The following SLC2A12 variants were observed in gnomAD, a reference collection of about 807,000 sequenced individuals.
SLC2A12 encodes the protein solute carrier family 2 member 12, also known as solute carrier family 2, facilitated glucose transporter member 12.
In SLC2A12, 23 loss-of-function variants were observed where a neutral mutation model predicts 41.8. The ratio of observed to expected loss-of-function variants is 0.55; its 90% CI spans 0.40 to 0.78. The LOEUF is 0.78. Among genes scored for constraint, SLC2A12 ranks in the 30% least tolerant of loss-of-function variants. The probability of loss-of-function intolerance (pLI) is 0.00; values close to 1 mark genes in which losing one functional copy is unlikely to be tolerated. For missense variants in SLC2A12, 654 were observed against 745.6 expected (o/e 0.88, Z 1.43); for synonymous variants, 295 against 285.9 (o/e 1.03, Z -0.32).
intron 2 of SLC2A12, among the ~76,000 whole-genome samples, chr6:134,011,853 C>G (rs983919555): frequency 6.6e-6 from 1 of 152,040 alleles, no homozygotes. Context: ...ACCAGCCTGG[C>G]CAGCATTGTG....
At chr6:134,007,899 G>A (rs1425892849) in intron 2 of SLC2A12, among the ~76,000 whole-genome samples, 1 of 152,178 alleles carries the variant, frequency 6.6e-6, no homozygotes, top group Non-Finnish European at 1.5e-5. Context: ...GACAAACGTG[G>A]CATTATCCCT....
At chr6:134,052,250 TACACACACACACACACACAC>T (rs55702666) in intron 1 of SLC2A12, 108 bp downstream of exon 1, 14,613 of 371,296 alleles carry the variant, frequency 0.039, 604 homozygotes, top group East Asian at 0.23. Flanking sequence ...CGCGCGCGCA[TACACACACACACACACACAC>T]ACACACACAC....
chr6:134,019,093 A>G (rs1381304202), intron 2 of SLC2A12, among the ~76,000 whole-genome samples: 2 of 152,230 alleles, frequency 1.3e-5, no homozygotes, highest in Non-Finnish European at 2.9e-5. Context: ...ACCTTGGGAA[A>G]CATGCCTTCC....
At chr6:134,022,565 AAAGAAAAGAAAAG>A (rs1777058801) in intron 2 of SLC2A12, among the ~76,000 whole-genome samples, 3 of 85,122 alleles carry the variant, frequency 3.5e-5, no homozygotes, top group African/African-American at 1.9e-4. Flanking sequence ...AAAGAAAAGA[AAAGAAAAGAAAAG>A]AAAAGAAAAG....
chr6:134,031,609 T>G lies in SLC2A12; in HGVS notation c.104-1888A>C, dbSNP rs2247185. ...GTAGAGGGCATTGTACTATATACTG[T>G]GTAGCGCAACATACCAACATAGGGA... On this transcript the variant is annotated intron_variant, in intron 1 of 4. Transcript: ENST00000275230. 5.7e-3 allele frequency among the ~76,000 whole-genome samples: 861 copies of G among 152,294 alleles called. 5 individuals are homozygous for G. Among genetic ancestry groups the G allele is most frequent in the Admixed American group, 0.011 (169 of 15,300 alleles).
chr6:134,033,944 T>C (rs1422057224), intron 1 of SLC2A12, among the ~76,000 whole-genome samples: 1 of 152,026 alleles, frequency 6.6e-6, no homozygotes, highest in East Asian at 1.9e-4. Flanking sequence ...CTTTCTGGAC[T>C]TAGATCATTT....
intron 1 of SLC2A12, 70 bp downstream of exon 1, chr6:134,052,308 G>T: frequency 9.9e-7 from 1 of 1,014,094 alleles, no homozygotes; most frequent in Non-Finnish European, 1.5e-6. Flanking sequence ...GGACTCAAGA[G>T]ACAGTACACT....
chr6:134,034,750 TGAG>T (rs960950226), intron 1 of SLC2A12, among the ~76,000 whole-genome samples: 43 of 152,298 alleles, frequency 2.8e-4, no homozygotes, highest in African/African-American at 9.6e-4. Flanking sequence ...CCACGTGGAC[TGAG>T]GAGAAGTTGT....
intron 3 of SLC2A12, among the ~76,000 whole-genome samples, chr6:134,005,685 AAAAAAAAAG>A (rs1263360231): frequency 1.5e-4 from 21 of 137,538 alleles, no homozygotes; most frequent in African/African-American, 5.5e-4. Flanking sequence ...AAAAAAAAAA[AAAAAAAAAG>A]AATCTCCCTT....
chr6:134,030,578 C>T (rs1003038419), intron 1 of SLC2A12, among the ~76,000 whole-genome samples: 2 of 152,104 alleles, frequency 1.3e-5, no homozygotes, highest in Non-Finnish European at 2.9e-5. Flanking sequence ...ATGTTTGCAA[C>T]TTGTCAAAAT....
rs774699652 is a variant in SLC2A12 at position 134,029,049 on chromosome 6, T to C, written c.776A>G (p.Asp259Gly). ...ELTVIKSSLK[D>G]EYQYSFWDLF... is the part of the protein sequence containing the mutation. ...ATCCCAAAAACTGTACTGATATTCA[T>C]CTTTCAGGGAGGATTTGATCACAGT... The change falls in exon 2 of 5, where the codon GAT becomes GGT. Residue 259 changes from aspartate to glycine, a missense_variant. Physicochemically the swap from Asp to Gly is moderately conservative, Grantham distance 94. Coordinates refer to ENST00000275230, the MANE Select transcript of SLC2A12 (RefSeq NM_145176.3). 17 of 1,614,120 alleles carry C rather than the reference T, an allele frequency of 1.1e-5. No individual in the cohort carries two copies. Among genetic ancestry groups the C allele is most frequent in the African/African-American group, 1.3e-5 (1 of 74,938 alleles).
intron 2 of SLC2A12, among the ~76,000 whole-genome samples, chr6:134,019,996 G>A (rs1477676425): frequency 6.7e-6 from 1 of 148,174 alleles, no homozygotes; most frequent in Admixed American, 6.8e-5. Context: ...CTGCACTCCA[G>A]CCTGGGCAAC....
At chr6:133,995,343 A>G (rs1427641122) in intron 4 of SLC2A12, among the ~76,000 whole-genome samples, 1 of 151,530 alleles carries the variant, frequency 6.6e-6, no homozygotes, top group Admixed American at 6.6e-5. Context: ...GAGAGAGGAG[A>G]GAGGGGGTGA....
chr6:134,041,828 A>G (rs761933551), intron 1 of SLC2A12, among the ~76,000 whole-genome samples: 1 of 152,034 alleles, frequency 6.6e-6, no homozygotes, highest in Non-Finnish European at 1.5e-5. Flanking sequence ...ACTTTCGATG[A>G]TAGATGGTAA....
At chr6:134,052,281 A>G in intron 1 of SLC2A12, 97 bp downstream of exon 1, 1 of 968,644 alleles carries the variant, frequency 1.0e-6, no homozygotes, top group East Asian at 2.9e-5. Context: ...ACACACACAC[A>G]CACACACACA....
chr6:134,022,536 AAGAAAAG>A (rs755865409), intron 2 of SLC2A12, among the ~76,000 whole-genome samples: 6 of 9,060 alleles, frequency 6.6e-4, no homozygotes, highest in South Asian at 5.7e-3. Flanking sequence ...CATCTCAAAA[AAGAAAAG>A]AAAAGAAAAG....
intron 2 of SLC2A12, among the ~76,000 whole-genome samples, chr6:134,016,282 G>GA (rs1776961142): frequency 1.3e-5 from 2 of 150,926 alleles, no homozygotes; most frequent in Non-Finnish European, 2.9e-5. Context: ...AATAACAAAA[G>GA]AAAAAATAAA....
At chr6:134,028,142 A>G (rs1562199376) in intron 2 of SLC2A12, among the ~76,000 whole-genome samples, 1 of 152,204 alleles carries the variant, frequency 6.6e-6, no homozygotes, top group African/African-American at 2.4e-5. Context: ...TTCATCCTCA[A>G]TTAATGGGAA....
At chr6:134,022,277 T>A (rs1777050404) in intron 2 of SLC2A12, among the ~76,000 whole-genome samples, 1 of 152,182 alleles carries the variant, frequency 6.6e-6, no homozygotes, top group African/African-American at 2.4e-5. Context: ...ATGCCTGTAA[T>A]CCCAGCACTT....
Sources: gnomAD v4.1 joint callset for allele counts (sites outside exome capture counted in the v4.1 genomes callset) on GRCh38, gnomAD v4.1.1 for gene constraint, MANE v1.5 for transcripts, NCBI Gene and HGNC (gene_info 2026-07-23, HGNC 2026-07-21) for gene names.